Variants in UNC80 observed in about 807,000 individuals in gnomAD.
UNC80 encodes the protein unc-80 subunit of NALCN channel complex.
A neutral mutation model predicts 384.6 loss-of-function variants in UNC80; 164 were observed. That is an observed-to-expected ratio of 0.43 (90% CI 0.38 to 0.49). The LOEUF (loss-of-function observed/expected upper bound fraction) is 0.49. UNC80 is among the 20% of genes least tolerant of loss of function. The probability of loss-of-function intolerance (pLI) is 0.00; values close to 1 mark genes in which losing one functional copy is unlikely to be tolerated. For synonymous variants in UNC80, 1,486 were observed against 1,527.8 expected, an observed-to-expected ratio of 0.97 and a Z score of 0.64; for missense variants, 3,330 against 4,143.0, an observed-to-expected ratio of 0.80 and a Z score of 5.39.
Position 209,831,440 on chromosome 2 carries a change from C to T in UNC80, c.2627-3C>T. The stretch of plus-strand genomic sequence containing the variant: ...GTCTTTAATTTGTGCCTTTGCATTC[C>T]AGACAAGGCTGGGTTTGGAAATAAC... On this transcript the variant is annotated splice_region_variant and splice_polypyrimidine_tract_variant and intron_variant, in intron 15 of 64. Transcript: ENST00000673920. 6.5e-7 allele frequency: 1 copy of T among 1,545,784 alleles called. No homozygotes were observed.
chr2:209,918,075 G>C lies in UNC80; in HGVS notation c.5211+117G>C, dbSNP rs1394230943. 15 of 974,354 alleles carry C rather than the reference G, an allele frequency of 1.5e-5. No individual in the cohort carries two copies. The East Asian group carries it at 4.0e-4, about 26-fold the overall frequency. The allele number at this position is 974,354 out of a possible 1,614,324, so 60.4% of individuals were successfully genotyped here. On this transcript the variant is annotated intron_variant, in intron 32 of 64. Coordinates refer to ENST00000673920, the MANE Select transcript of UNC80 (RefSeq NM_001371986.1). ...AAAGATATTCTTCTTTTTTCTCTCTGATCATATAAGTAAACCTAACATACA... is the reference window on the plus strand; with the variant it reads ...AAAGATATTCTTCTTTTTTCTCTCTCATCATATAAGTAAACCTAACATACA...
At chr2:209,926,708 C>G (rs1455550878) in intron 35 of UNC80, 135 bp from the exon 36 acceptor site, 3 of 1,082,942 alleles carry the variant, frequency 2.8e-6, no homozygotes. Context: ...CCCAAGAAGT[C>G]GAGGCTGCAG....
At chr2:209,985,218 T>G (rs1402592458) in intron 61 of UNC80, among the ~76,000 whole-genome samples, 1 of 152,224 alleles carries the variant, frequency 6.6e-6, no homozygotes, top group Non-Finnish European at 1.5e-5. Context: ...TGCCAAATGT[T>G]AAATTTATCC....
chr2:209,829,487 C>A (rs1352325451), intron 15 of UNC80, 108 bp downstream of exon 15: 5 of 1,180,682 alleles, frequency 4.2e-6, no homozygotes, highest in Non-Finnish European at 6.0e-6. Context: ...GGAAAAGATA[C>A]GTATGTGTCC....
intron 2 of UNC80, 74 bp downstream of exon 2, chr2:209,773,216 A>G (rs930201590): frequency 1.8e-5 from 23 of 1,279,934 alleles, no homozygotes; most frequent in Non-Finnish European, 2.5e-5. Flanking sequence ...CAGATTTTAA[A>G]TCAAACGGAC....
Position 209,865,372 on chromosome 2 carries a change from G to A in UNC80, c.3628-7386G>A, listed in dbSNP as rs1157008172. Among the ~76,000 whole-genome samples, 3 of 152,238 alleles carry A rather than the reference G, an allele frequency of 2.0e-5. No individual in the cohort carries two copies. The South Asian group carries it at 6.2e-4, about 32-fold the overall frequency. ...AATCCCAGCACTTTGGGAGGCCAAG[G>A]CAGGCGGATCGCGAGGTCAGGAGAT... On this transcript the variant is annotated intron_variant, in intron 22 of 64. Transcript: ENST00000673920.
At chr2:209,913,388 T>C (rs1366500831) in intron 30 of UNC80, among the ~76,000 whole-genome samples, 2 of 152,298 alleles carry the variant, frequency 1.3e-5, no homozygotes, top group Admixed American at 1.3e-4. Context: ...ATGTTCACAA[T>C]GGGCTTTTTC....
intron 23 of UNC80, among the ~76,000 whole-genome samples, chr2:209,873,302 A>G (rs965549800): frequency 1.3e-5 from 2 of 152,206 alleles, no homozygotes; most frequent in African/African-American, 2.4e-5. Context: ...TCTAATTGCT[A>G]TATTCATCAA....
intron 7 of UNC80, among the ~76,000 whole-genome samples, chr2:209,802,665 G>C (rs187691630): frequency 2.0e-5 from 3 of 151,864 alleles, no homozygotes; most frequent in African/African-American, 7.2e-5. Flanking sequence ...TCTGTCTATG[G>C]TTCTTGCATT....
At chr2:209,977,566 T>C (rs1165710761) in intron 58 of UNC80, among the ~76,000 whole-genome samples, 1 of 152,224 alleles carries the variant, frequency 6.6e-6, no homozygotes, top group African/African-American at 2.4e-5. Flanking sequence ...ATAAATAATT[T>C]ACAAGTAAAT....
chr2:209,838,165 G>A (rs1382251300), intron 18 of UNC80, among the ~76,000 whole-genome samples: 1 of 151,984 alleles, frequency 6.6e-6, no homozygotes, highest in Non-Finnish European at 1.5e-5. Flanking sequence ...ATAAGCTTTG[G>A]ATATCGTATT....
chr2:209,932,324 A>G (rs1350279710), intron 38 of UNC80, among the ~76,000 whole-genome samples: 1 of 152,116 alleles, frequency 6.6e-6, no homozygotes, highest in African/African-American at 2.4e-5. Context: ...AGCATCCACT[A>G]CTTCTGGGTT....
At position 209,904,849 on chromosome 2, in the gene UNC80, C is replaced by T. The variant is rs775881861; in HGVS notation, c.4666C>T (p.Arg1556Cys). The T allele has an allele frequency of 1.4e-5, 22 of 1,551,812 alleles. No individual in the cohort carries two copies. Among genetic ancestry groups the T allele is most frequent in the African/African-American group, 2.7e-5 (2 of 73,034 alleles). The change falls in exon 29 of 65, where the codon CGC (arginine) becomes TGC (cysteine). Residue 1556 changes from arginine to cysteine, a missense_variant. Arg to Cys is a radical substitution (Grantham distance 180). This residue lies in a region of UNC80 where 801 missense variants were observed against 950.8 expected (regional missense o/e 0.84). Transcript: ENST00000673920. ...TCCCCACTGCTACCTGCACCACAGC[C>T]GCTCCTGTGCCCGACTGGTCAGAGC... ...CHPHCYLHHS[R>C]SCARLVRAIK...
chr2:209,987,114 ACT>A (rs1298859869), intron 61 of UNC80, among the ~76,000 whole-genome samples: 2 of 152,200 alleles, frequency 1.3e-5, no homozygotes, highest in Middle Eastern at 3.4e-3. Flanking sequence ...AAAATAATAA[ACT>A]CTGCTGCTCC....
chr2:209,843,475 C>T (rs1313174352), intron 21 of UNC80, among the ~76,000 whole-genome samples: 1 of 151,852 alleles, frequency 6.6e-6, no homozygotes, highest in Non-Finnish European at 1.5e-5. Context: ...AAGTCACTCC[C>T]CCAGGAAGGA....
Position 209,941,244 on chromosome 2 carries a change from G to A in UNC80, c.6670G>A (p.Asp2224Asn), listed in dbSNP as rs1363311880. The A allele has an allele frequency of 2.6e-6, 4 of 1,524,986 alleles. No homozygotes were observed. The highest frequency in any genetic ancestry group is 2.8e-5 in the African/African-American group (2 of 72,680). 94.5% of individuals were successfully genotyped at this position (1,524,986 alleles called of 1,614,324 possible). A position where few individuals can be genotyped will look rare whatever the true frequency, so the allele number is the denominator to read the frequency against. The change falls in exon 44 of 65, where the codon GAC (aspartate) becomes AAC (asparagine). Residue 2224 changes from aspartate (D) to asparagine (N), a missense_variant. Physicochemically the swap from Asp to Asn is conservative, Grantham distance 23. This residue lies in a region of UNC80 where 1,049 missense variants were observed against 1,488.6 expected (regional missense o/e 0.70). Transcript: ENST00000673920. ...PQAGKELFGLDTLQKSLWIQL... is the reference protein window; with the variant it reads ...PQAGKELFGLNTLQKSLWIQL... Reference sequence around the variant, plus strand: ...AGCTGGAAAGGAACTGTTTGGCCTCGACACTCTTCAGAAAAGCTTGTGGAT... The same window carrying A: ...AGCTGGAAAGGAACTGTTTGGCCTCAACACTCTTCAGAAAAGCTTGTGGAT...
intron 4 of UNC80, among the ~76,000 whole-genome samples, chr2:209,777,808 A>C (rs1169198806): frequency 6.6e-6 from 1 of 152,196 alleles, no homozygotes; most frequent in East Asian, 1.9e-4. Context: ...CAACATATTA[A>C]GCATAGAATA....
chr2:209,810,183 A>G (rs895536409), intron 7 of UNC80, among the ~76,000 whole-genome samples: 9 of 152,054 alleles, frequency 5.9e-5, no homozygotes, highest in Admixed American at 2.0e-4. Flanking sequence ...CAATTTAACA[A>G]TGTCTCAAGA....
chr2:209,953,144 G>T (rs569362752), intron 47 of UNC80, among the ~76,000 whole-genome samples: 1 of 152,226 alleles, frequency 6.6e-6, no homozygotes, highest in South Asian at 2.1e-4. Flanking sequence ...ATGGCAGGGT[G>T]CGGTGGTTCA....
Sources: gnomAD v4.1 joint callset for allele counts (sites outside exome capture counted in the v4.1 genomes callset) on GRCh38, gnomAD v4.1.1 for gene constraint, gnomAD v4.1.1 regional missense constraint, MANE v1.5 for transcripts, NCBI Gene and HGNC (gene_info 2026-07-23, HGNC 2026-07-21) for gene names.